The following TOMM7 variants were observed in gnomAD, a reference collection of about 807,000 sequenced individuals.
TOMM7 encodes mitochondrial import receptor subunit TOM7 homolog.
A neutral mutation model predicts 9.5 loss-of-function variants in TOMM7; 8 were observed. The observed-to-expected ratio is 0.84, with a 90% CI of 0.49 to 1.51. The LOEUF (loss-of-function observed/expected upper bound fraction) is 1.51, where lower values mean the gene tolerates loss of function less well. Ranked by LOEUF, TOMM7 falls within the 40% of genes most tolerant of loss-of-function variation. The probability of loss-of-function intolerance (pLI) is 0.00; values close to 1 mark genes in which losing one functional copy is unlikely to be tolerated. For missense variants in TOMM7, 74 were observed against 63.7 expected (o/e 1.16, Z -0.55); for synonymous variants, 27 against 21.4 (o/e 1.26, Z -0.72).
At chr7:22,815,908 C>T (rs58300464) in intron 2 of TOMM7, among the ~76,000 whole-genome samples, 28,057 of 151,838 alleles carry the variant, frequency 0.18, 4,132 homozygotes, top group African/African-American at 0.41. Flanking sequence ...ACAGAAGGGG[C>T]GACATTTGAG....
chr7:22,816,426 A>T (rs1782316804), intron 2 of TOMM7, among the ~76,000 whole-genome samples: 1 of 152,272 alleles, frequency 6.6e-6, no homozygotes, highest in South Asian at 2.1e-4. Context: ...TAGGCAGAAG[A>T]TATATTACCT....
rs111288013 is a variant in TOMM7, at chr7:22,815,542, T to C, written c.153-2357A>G. On this transcript the variant is annotated intron_variant, in intron 2 of 2. Transcript: ENST00000358435. ...GAGACCTTCTTGCTACAAAAAAAAC[T>C]AAAATAAAATATAAAAAACCCACAG... is the stretch of plus-strand genomic sequence containing the variant. 1.7e-3 allele frequency among the ~76,000 whole-genome samples: 256 copies of C among 151,204 alleles called. 1 individual carries two copies. The highest frequency in any genetic ancestry group is 6.1e-3 in the African/African-American group (250 of 41,110).
At chr7:22,822,418 A>G in intron 1 of TOMM7, 1 of 857,126 alleles carries the variant, frequency 1.2e-6, no homozygotes, top group Non-Finnish European at 1.8e-6. Context: ...TACAATCCCG[A>G]GAAATATGAC....
intron 2 of TOMM7, among the ~76,000 whole-genome samples, chr7:22,814,349 CAAA>C (rs58506942): frequency 2.7e-3 from 242 of 90,994 alleles, no homozygotes; most frequent in African/African-American, 8.1e-3. Flanking sequence ...GACTCCGACT[CAAA>C]AAAAAAAAAA....
Position 22,817,803 on chromosome 7 carries a change from T to C in TOMM7, c.152+197A>G, listed in dbSNP as rs1373233863. The C allele has an allele frequency of 3.4e-5, 18 of 525,202 alleles. No individual in the cohort carries two copies. In the South Asian group the frequency reaches 4.6e-4, roughly 13 times the overall value. 32.5% of individuals were successfully genotyped at this position (525,202 alleles called of 1,614,324 possible). The stretch of plus-strand genomic sequence containing the variant: ...TCTTTTTCTGTTAAAATATGCTTCA[T>C]TGTAGTTATAACATGGTACAGTAAA... On this transcript the variant is annotated intron_variant, in intron 2 of 2. Transcript: ENST00000358435.
chr7:22,820,454 TAGAAACGGAATCTCAAAAC>T (rs1177909398), intron 1 of TOMM7, among the ~76,000 whole-genome samples: 1 of 152,110 alleles, frequency 6.6e-6, no homozygotes, highest in Non-Finnish European at 1.5e-5. Flanking sequence ...TTTCTAGCAA[TAGAAACGGAATCTCAAAAC>T]AGGGAGGAGG....
chr7:22,817,193 T>C (rs1431992990), intron 2 of TOMM7: 1 of 152,344 alleles, frequency 6.6e-6, no homozygotes, highest in Admixed American at 6.5e-5. Context: ...TATATATAAT[T>C]TTCATAAGTA....
intron 2 of TOMM7, 115 bp downstream of exon 2, chr7:22,817,885 T>C (rs2286498): frequency 0.41 from 409,043 of 989,414 alleles, 93,122 homozygotes; most frequent in East Asian, 0.82. Flanking sequence ...CCCAAAACTA[T>C]ACTGACTGAT....
intron 1 of TOMM7, among the ~76,000 whole-genome samples, chr7:22,820,128 A>T (rs1046540547): frequency 6.6e-6 from 1 of 152,194 alleles, no homozygotes; most frequent in Non-Finnish European, 1.5e-5. Flanking sequence ...TGAAACCAGA[A>T]GTTCAAGACC....
chr7:22,820,929 T>A (rs1325756427), intron 1 of TOMM7, among the ~76,000 whole-genome samples: 1 of 151,492 alleles, frequency 6.6e-6, no homozygotes, highest in Non-Finnish European at 1.5e-5. Context: ...AGTCAGAGTG[T>A]ACTTTATCTT....
chr7:22,816,197 A>G (rs1400438934), intron 2 of TOMM7, among the ~76,000 whole-genome samples: 1 of 152,206 alleles, frequency 6.6e-6, no homozygotes, highest in Non-Finnish European at 1.5e-5. Context: ...TTCAATGCTC[A>G]TGGCTACCTT....
At chr7:22,818,285 T>C (rs1373695323) in intron 1 of TOMM7, 6 of 398,356 alleles carry the variant, frequency 1.5e-5, no homozygotes, top group African/African-American at 8.2e-5. Flanking sequence ...TCCTTTCTTT[T>C]TGAGACAGAG....
intron 1 of TOMM7, among the ~76,000 whole-genome samples, chr7:22,820,652 G>C (rs962017574): frequency 6.6e-6 from 1 of 152,216 alleles, no homozygotes; most frequent in African/African-American, 2.4e-5. Flanking sequence ...GCTAGTCCCA[G>C]TGTTTGACCA....
chr7:22,815,741 G>A (rs922086584), intron 2 of TOMM7, among the ~76,000 whole-genome samples: 4 of 152,074 alleles, frequency 2.6e-5, no homozygotes, highest in Non-Finnish European at 2.9e-5. Flanking sequence ...CCAGCACTTC[G>A]GGAGGTCGAG....
At chr7:22,816,192 TGCTCATG>T (rs1441241008) in intron 2 of TOMM7, among the ~76,000 whole-genome samples, 4 of 152,216 alleles carry the variant, frequency 2.6e-5, no homozygotes, top group Non-Finnish European at 5.9e-5. Flanking sequence ...TAATATTCAA[TGCTCATG>T]GCTACCTTAT....
chr7:22,822,168 C>T (rs747626027), intron 1 of TOMM7: 1 of 1,550,498 alleles, frequency 6.4e-7, no homozygotes, highest in South Asian at 1.2e-5. Context: ...AAAATGGGGG[C>T]AGTAATAGAA....
chr7:22,822,479 A>G, intron 1 of TOMM7, 198 bp downstream of exon 1: 1 of 703,738 alleles, frequency 1.4e-6, no homozygotes, highest in Admixed American at 2.9e-5. Context: ...AAGACTGCTT[A>G]AAGACCATGC....
In TOMM7 at chr7:22,822,744, T is replaced by C. The variant is rs147233774; in HGVS notation, c.36A>G (p.Leu12=). Residue 12 remains leucine (L), a synonymous_variant, in exon 1 of 3, where the codon CTA becomes CTG. Transcript: ENST00000358435. The part of the protein sequence containing the change: ...VKLSKEAKQR[L]QQLFKGSQFA... ...ACTGGCTCCCCTTGAAGAGCTGCTGTAGTCTCTGCTTGGCCTCTTTGCTCA... is the reference window on the plus strand; with the variant it reads ...ACTGGCTCCCCTTGAAGAGCTGCTGCAGTCTCTGCTTGGCCTCTTTGCTCA... 3 of 1,614,212 alleles carry C rather than the reference T, an allele frequency of 1.9e-6. No homozygotes were observed. The highest frequency in any genetic ancestry group is 2.7e-5 in the African/African-American group (2 of 75,068).
chr7:22,821,494 G>A (rs1782390667), intron 1 of TOMM7, among the ~76,000 whole-genome samples: 1 of 151,960 alleles, frequency 6.6e-6, no homozygotes, highest in South Asian at 2.1e-4. Context: ...GAGGCCGCGC[G>A]CGGGGCGGAG....
Sources: allele counts gnomAD v4.1 joint callset (sites outside exome capture counted in the v4.1 genomes callset), GRCh38; gene constraint gnomAD v4.1.1; transcripts MANE v1.5; gene names NCBI Gene and HGNC (gene_info 2026-07-23, HGNC 2026-07-21).